Variants in LDLRAD3 observed in about 807,000 individuals in gnomAD.
LDLRAD3 encodes low density lipoprotein receptor class A domain containing 3, also known as low-density lipoprotein receptor class A domain-containing protein 3.
In LDLRAD3, 20 loss-of-function variants were observed where a neutral mutation model predicts 29.4. The ratio of observed to expected loss-of-function variants is 0.68; its 90% CI spans 0.48 to 0.99. LDLRAD3 has a LOEUF of 0.99. Ranked by LOEUF, LDLRAD3 falls within the 50% of genes least tolerant of loss-of-function variation. The pLI is 0.00. For missense variants in LDLRAD3, 420 were observed against 454.3 expected, an observed-to-expected ratio of 0.92 and a Z score of 0.69; for synonymous variants, 157 against 192.7, an observed-to-expected ratio of 0.81 and a Z score of 1.53.
rs536184196 is a variant in LDLRAD3, at chr11:36,045,713, A to T, written c.193+9464A>T. ...CATGATAGTGAATAAGTCTCACGAG[A>T]TCTGATGGGTTTTTTTTTTTTTTTC... On this transcript the variant is annotated intron_variant, in intron 2 of 5. Coordinates refer to ENST00000315571, the MANE Select transcript of LDLRAD3 (RefSeq NM_174902.4). Among the ~76,000 whole-genome samples, 7 of 141,812 alleles carry T rather than the reference A, an allele frequency of 4.9e-5. No homozygotes were observed. The East Asian group carries it at 1.5e-3, about 30-fold the overall frequency. 93.0% of individuals were successfully genotyped at this position (141,812 alleles called of 152,430 possible). A position where few individuals can be genotyped will look rare whatever the true frequency, so the allele number is the denominator to read the frequency against.
chr11:35,947,841 G>A (rs543619289), intron 1 of LDLRAD3, among the ~76,000 whole-genome samples: 28 of 152,220 alleles, frequency 1.8e-4, no homozygotes, highest in South Asian at 8.3e-4. Context: ...GTGCTCTTGC[G>A]AATTGACACA....
At chr11:36,002,794 T>TC (rs1020671417) in intron 1 of LDLRAD3, among the ~76,000 whole-genome samples, 2 of 152,200 alleles carry the variant, frequency 1.3e-5, no homozygotes, top group Non-Finnish European at 2.9e-5. Context: ...CCACATTGCT[T>TC]CCCACTTTCC....
chr11:36,170,486 T>TA (rs1206816210), intron 4 of LDLRAD3, among the ~76,000 whole-genome samples: 1 of 152,074 alleles, frequency 6.6e-6, no homozygotes, highest in Non-Finnish European at 1.5e-5. Flanking sequence ...GTGTATTTTT[T>TA]ATATAATGAC....
intron 4 of LDLRAD3, among the ~76,000 whole-genome samples, chr11:36,144,606 T>G: frequency 7.1e-6 from 1 of 140,690 alleles, no homozygotes; most frequent in Non-Finnish European, 1.5e-5. Flanking sequence ...GGAGACCCTC[T>G]GCCTGGCAAC....
chr11:36,210,547 A>G (rs1313358777), intron 4 of LDLRAD3, among the ~76,000 whole-genome samples: 1 of 132,670 alleles, frequency 7.5e-6, no homozygotes, highest in African/African-American at 2.5e-5. Context: ...TTATTCATCT[A>G]TTATGGAACA....
At chr11:36,148,518 T>C (rs905509800) in intron 4 of LDLRAD3, among the ~76,000 whole-genome samples, 2 of 152,184 alleles carry the variant, frequency 1.3e-5, no homozygotes, top group Non-Finnish European at 2.9e-5. Context: ...CTGACAGTTA[T>C]ATTTACCAGT....
In LDLRAD3 at chr11:36,231,299, A is replaced by AAAG. The variant is rs1855572942; in HGVS notation, c.*1904_*1905insGAA. The AAAG allele has an allele frequency of 1.3e-5, 2 of 152,134 alleles. No individual in the cohort carries two copies. Among genetic ancestry groups the AAAG allele is most frequent in the Non-Finnish European group, 2.9e-5 (2 of 68,020 alleles). 9.4% of individuals were successfully genotyped at this position (152,134 alleles called of 1,614,324 possible). On this transcript the variant is annotated 3_prime_UTR_variant, in exon 6 of 6. Coordinates refer to ENST00000315571, the MANE Select transcript of LDLRAD3 (RefSeq NM_174902.4). Reference sequence around the variant, plus strand: ...TGGTATTTTGTTTTGTTTAAAAAAAAAAAGAAAGAAAGAAAGAAAGAAAAA... The same window carrying AAAG: ...TGGTATTTTGTTTTGTTTAAAAAAAAAAGAAAGAAAGAAAGAAAGAAAGAAAAA...
intron 4 of LDLRAD3, among the ~76,000 whole-genome samples, chr11:36,144,486 G>A (rs1464002664): frequency 1.3e-5 from 2 of 151,038 alleles, no homozygotes; most frequent in South Asian, 2.1e-4. Context: ...GAAGTGAGGA[G>A]CGTCTCTGCC....
At chr11:35,967,786 CTT>C in intron 1 of LDLRAD3, 1 of 460,846 alleles carries the variant, frequency 2.2e-6, no homozygotes, top group South Asian at 1.6e-5. Flanking sequence ...GATTAGTAGA[CTT>C]AGTGTTTTCA....
chr11:36,199,578 C>CACAT (rs1465841367), intron 4 of LDLRAD3, among the ~76,000 whole-genome samples: 1 of 150,396 alleles, frequency 6.6e-6, no homozygotes, highest in Non-Finnish European at 1.5e-5. Context: ...CACACACACA[C>CACAT]ACACACACAC....
intron 1 of LDLRAD3, 23 bp from the exon 2 acceptor site, chr11:36,036,080 G>T: frequency 6.2e-7 from 1 of 1,611,654 alleles, no homozygotes; most frequent in South Asian, 1.1e-5. Context: ...TGTGCCGTCT[G>T]ACCTGTCCCC....
At chr11:36,028,564 G>A (rs973278738) in intron 1 of LDLRAD3, among the ~76,000 whole-genome samples, 1 of 152,098 alleles carries the variant, frequency 6.6e-6, no homozygotes, top group African/African-American at 2.4e-5. Context: ...TATTTAAATG[G>A]TTGGGAAAAA....
chr11:36,173,318 T>C (rs568679250), intron 4 of LDLRAD3, among the ~76,000 whole-genome samples: 2 of 148,030 alleles, frequency 1.4e-5, no homozygotes, highest in Non-Finnish European at 3.0e-5. Context: ...GTATATCTCC[T>C]AATGCTATCC....
chr11:35,999,682 G>A (rs906221236), intron 1 of LDLRAD3, among the ~76,000 whole-genome samples: 1 of 152,168 alleles, frequency 6.6e-6, no homozygotes, highest in Non-Finnish European at 1.5e-5. Flanking sequence ...CCAAAGGGAG[G>A]GGTGTATCAC....
At chr11:36,081,325 T>A (rs1853110100) in intron 2 of LDLRAD3, among the ~76,000 whole-genome samples, 1 of 152,246 alleles carries the variant, frequency 6.6e-6, no homozygotes, top group Non-Finnish European at 1.5e-5. Flanking sequence ...TGATTGGTGC[T>A]TCAGCACCTT....
In LDLRAD3 at chr11:35,970,092, C is replaced by T. The variant is rs531328490; in HGVS notation, c.46+25948C>T. Among the ~76,000 whole-genome samples the T allele has an allele frequency of 1.1e-4, 16 of 152,248 alleles. No individual in the cohort carries two copies. In the South Asian group the frequency reaches 2.5e-3, roughly 24 times the overall value. Reference sequence around the variant, plus strand: ...TGTGTGGAGTGCTTACTGTGTGCTCCGGGTACTGTCCTTAGTGCTTTTAGG... The same window carrying T: ...TGTGTGGAGTGCTTACTGTGTGCTCTGGGTACTGTCCTTAGTGCTTTTAGG... On this transcript the variant is annotated intron_variant, in intron 1 of 5. Coordinates refer to ENST00000315571, the MANE Select transcript of LDLRAD3 (RefSeq NM_174902.4).
chr11:36,208,822 A>C (rs1051708216), intron 4 of LDLRAD3, among the ~76,000 whole-genome samples: 3 of 152,264 alleles, frequency 2.0e-5, no homozygotes, highest in Non-Finnish European at 4.4e-5. Context: ...GGCAGCAGGC[A>C]AAGTCCATGA....
intron 1 of LDLRAD3, among the ~76,000 whole-genome samples, chr11:36,001,896 A>G (rs538564382): frequency 1.3e-5 from 2 of 152,056 alleles, no homozygotes; most frequent in East Asian, 3.9e-4. Flanking sequence ...TTTTTACCCC[A>G]ACTCTTTTGG....
intron 4 of LDLRAD3, among the ~76,000 whole-genome samples, chr11:36,180,661 G>T (rs1315762658): frequency 1.3e-5 from 2 of 152,030 alleles, no homozygotes; most frequent in Non-Finnish European, 2.9e-5. Context: ...ATTTTGACAG[G>T]ATCATCTGGC....
Sources: allele counts gnomAD v4.1 joint callset (sites outside exome capture counted in the v4.1 genomes callset), GRCh38; gene constraint gnomAD v4.1.1; transcripts MANE v1.5; gene names NCBI Gene and HGNC (gene_info 2026-07-23, HGNC 2026-07-21).